ABCC1: variants seen among roughly 807,000 people sequenced by gnomAD.
The protein encoded by ABCC1 is ATP binding cassette subfamily C member 1 (ABCC1 blood group).
In ABCC1, 83 loss-of-function variants were observed where a neutral mutation model predicts 172.9. That is an observed-to-expected ratio of 0.48 (90% CI 0.40 to 0.58). ABCC1 has a LOEUF of 0.58. Ranked by LOEUF, ABCC1 falls within the 20% of genes least tolerant of loss-of-function variation. The pLI is 0.00. For synonymous variants in ABCC1, 937 were observed against 825.2 expected (o/e 1.14, Z -2.32); for missense variants, 1,817 against 2,002.7 (o/e 0.91, Z 1.77).
At chr16:16,087,415 G>C (rs562180877) in intron 18 of ABCC1, among the ~76,000 whole-genome samples, 18 of 152,284 alleles carry the variant, frequency 1.2e-4, no homozygotes, top group African/African-American at 4.3e-4. Flanking sequence ...TTTTTATAGG[G>C]CAGTTGTGGT....
At chr16:16,005,683 G>C (rs534050073) in intron 1 of ABCC1, among the ~76,000 whole-genome samples, 1 of 152,196 alleles carries the variant, frequency 6.6e-6, no homozygotes, top group Non-Finnish European at 1.5e-5. Flanking sequence ...GAGACCGGGC[G>C]TGGTGGCTCA....
chr16:15,985,388 G>C (rs1567287137), intron 1 of ABCC1, among the ~76,000 whole-genome samples: 1 of 152,140 alleles, frequency 6.6e-6, no homozygotes, highest in Non-Finnish European at 1.5e-5. Flanking sequence ...TTCATGCCTT[G>C]ATACACTTGT....
chr16:16,050,225 G>T (rs963501685), intron 10 of ABCC1, among the ~76,000 whole-genome samples: 2 of 152,148 alleles, frequency 1.3e-5, no homozygotes, highest in African/African-American at 4.8e-5. Context: ...AACACTTTGG[G>T]AGGCCAAGGC....
At chr16:15,968,550 T>G (rs1327411667) in intron 1 of ABCC1, among the ~76,000 whole-genome samples, 12 of 151,728 alleles carry the variant, frequency 7.9e-5, no homozygotes. Flanking sequence ...CTAATTTTTG[T>G]ATTTTTAGTA....
chr16:16,052,676 GTT>G, intron 10 of ABCC1, 46 bp from the exon 11 acceptor site: 1 of 1,594,646 alleles, frequency 6.3e-7, no homozygotes, highest in Non-Finnish European at 8.6e-7. Flanking sequence ...TACGGGCCCT[GTT>G]TTCTTCTGTC....
chr16:15,957,003 T>C (rs2151486787), intron 1 of ABCC1, among the ~76,000 whole-genome samples: 1 of 152,302 alleles, frequency 6.6e-6, no homozygotes, highest in Non-Finnish European at 1.5e-5. Flanking sequence ...ATTTTAAGGA[T>C]GAAATAATCA....
chr16:15,966,824 ATTTTTTT>A (rs546965202), intron 1 of ABCC1, among the ~76,000 whole-genome samples: 1 of 148,596 alleles, frequency 6.7e-6, no homozygotes, highest in Non-Finnish European at 1.5e-5. Context: ...CTAATTTTTA[ATTTTTTT>A]TAGAGATGAG....
In ABCC1 at chr16:16,045,971, C is replaced by G; in HGVS notation, c.1176C>G (p.Gly392=). 1 of 1,614,180 alleles carries G rather than the reference C, an allele frequency of 6.2e-7. No homozygotes were observed. The highest frequency in any genetic ancestry group is 2.2e-5 in the East Asian group (1 of 44,872). Residue 392 remains glycine (G), a synonymous_variant, in exon 9 of 31, where the codon GGC becomes GGG. Coordinates refer to ENST00000399410, the MANE Select transcript of ABCC1 (RefSeq NM_004996.4). ...HQYFHICFVS[G]MRIKTAVIGA... is the part of the protein sequence containing the mutation. The stretch of plus-strand genomic sequence containing the variant: ...ACTTCCACATCTGCTTCGTCAGTGG[C>G]ATGAGGATCAAGACCGCTGTCATTG...
rs2046168068 is a variant in ABCC1 at position 16,142,665 on chromosome 16, A to AGAGAAG, written c.*1384_*1385insGAGAAG. On this transcript the variant is annotated 3_prime_UTR_variant, in exon 31 of 31. Coordinates refer to ENST00000399410, the MANE Select transcript of ABCC1 (RefSeq NM_004996.4). ...GTCTCAAAACTTGAACTTCTTGGGA[A>AGAGAAG]TAGAAGTGTTGGGCTGAGAAGTAAC... 6.6e-6 allele frequency: 1 copy of AGAGAAG among 152,120 alleles called. No individual in the cohort carries two copies. The highest frequency in any genetic ancestry group is 1.5e-5 in the Non-Finnish European group (1 of 68,030). The allele number at this position is 152,120 out of a possible 1,614,324, so 9.4% of individuals were successfully genotyped here.
chr16:16,027,846 C>A (rs76314168), intron 5 of ABCC1, among the ~76,000 whole-genome samples: 7,673 of 152,138 alleles, frequency 0.05, 228 homozygotes, highest in Middle Eastern at 0.14. Flanking sequence ...TTTTATGTTT[C>A]CATATACCAG....
chr16:15,998,919 C>T (rs1052862583), intron 1 of ABCC1, among the ~76,000 whole-genome samples: 6 of 152,150 alleles, frequency 3.9e-5, no homozygotes, highest in African/African-American at 1.4e-4. Context: ...TGTATCAGCA[C>T]CTGTCACACA....
At chr16:16,098,259 A>T (rs2051569046) in intron 19 of ABCC1, 1 of 157,420 alleles carries the variant, frequency 6.4e-6, no homozygotes, top group Admixed American at 6.0e-5. Context: ...TCTCCTGCGT[A>T]AAAACAAGCC....
intron 30 of ABCC1, among the ~76,000 whole-genome samples, chr16:16,140,221 G>A (rs2046076695): frequency 6.6e-6 from 1 of 152,214 alleles, no homozygotes; most frequent in Non-Finnish European, 1.5e-5. Context: ...AGGAGATTAG[G>A]CCAGAAAGGT....
chr16:16,090,694 C>G, intron 19 of ABCC1, 106 bp downstream of exon 19: 1 of 1,296,896 alleles, frequency 7.7e-7, no homozygotes, highest in Non-Finnish European at 1.0e-6. Flanking sequence ...GGCGGCTCCT[C>G]AGGGCATGAG....
At chr16:16,134,609 G>C in intron 28 of ABCC1, 101 bp downstream of exon 28, 14 of 1,034,372 alleles carry the variant, frequency 1.4e-5, no homozygotes, top group Non-Finnish European at 1.7e-5. Context: ...CATACATTTG[G>C]CCCTACTTCA....
chr16:16,061,647 T>C (rs2049917670), intron 12 of ABCC1, among the ~76,000 whole-genome samples: 1 of 152,246 alleles, frequency 6.6e-6, no homozygotes. Flanking sequence ...TCTGTATCAC[T>C]GTAATGGTGG....
chr16:16,059,996 C>CA lies in ABCC1; in HGVS notation c.1677+3709dup, dbSNP rs575602010. On this transcript the variant is annotated intron_variant, in intron 12 of 30. Transcript: ENST00000399410. ...TGGGCAACAGAACAAGACTCTGTCT[C>CA]AAAAAAAATAAAAAAAATGAAATCA... 1.2e-3 allele frequency among the ~76,000 whole-genome samples: 178 copies of CA among 151,430 alleles called. 3 individuals are homozygous for CA. The South Asian group carries it at 0.018, about 15-fold the overall frequency.
chr16:16,007,301 C>G (rs74354546), intron 1 of ABCC1, among the ~76,000 whole-genome samples: 2,494 of 151,636 alleles, frequency 0.016, 35 homozygotes, highest in Non-Finnish European at 0.027. Context: ...GATCTCAGCT[C>G]GTTGCAACTT....
At chr16:16,039,266 CTTTTTTT>C (rs1202497870) in intron 7 of ABCC1, among the ~76,000 whole-genome samples, 1 of 87,770 alleles carries the variant, frequency 1.1e-5, no homozygotes, top group Admixed American at 1.2e-4. Context: ...TGTGTGTTTT[CTTTTTTT>C]TTTTTTTTTT....
Sources: allele counts gnomAD v4.1 joint callset (sites outside exome capture counted in the v4.1 genomes callset), GRCh38; gene constraint gnomAD v4.1.1; transcripts MANE v1.5; gene names NCBI Gene and HGNC (gene_info 2026-07-23, HGNC 2026-07-21).